Variants in LRMDA observed in about 807,000 individuals in gnomAD.
The protein encoded by LRMDA is leucine-rich melanocyte differentiation-associated protein.
Under a neutral mutation model 29.8 loss-of-function variants are expected in LRMDA, and 18 were observed. That is an observed-to-expected ratio of 0.60 (90% CI 0.42 to 0.90). LRMDA has a LOEUF of 0.90. Among genes scored for constraint, LRMDA ranks in the 40% least tolerant of loss-of-function variants. LRMDA has a pLI of 0.00. For synonymous variants in LRMDA, 125 were observed against 109.4 expected, an observed-to-expected ratio of 1.14 and a Z score of -0.89; for missense variants, 273 against 273.9, an observed-to-expected ratio of 1.00 and a Z score of 0.02.
intron 5 of LRMDA, among the ~76,000 whole-genome samples, chr10:76,123,961 G>C (rs1221547235): frequency 1.3e-5 from 2 of 152,192 alleles, no homozygotes; most frequent in Non-Finnish European, 2.9e-5. Flanking sequence ...AGAGGCAACA[G>C]TGCTTTAGCT....
chr10:76,472,563 G>A (rs889600055), intron 6 of LRMDA, among the ~76,000 whole-genome samples: 3 of 151,448 alleles, frequency 2.0e-5, no homozygotes, highest in African/African-American at 7.3e-5. Flanking sequence ...AGAAGTTAAT[G>A]AAATAAAGAA....
chr10:75,567,985 G>A (rs1840393738), intron 2 of LRMDA, among the ~76,000 whole-genome samples: 2 of 152,200 alleles, frequency 1.3e-5, no homozygotes, highest in Non-Finnish European at 2.9e-5. Flanking sequence ...AATGACACAA[G>A]CACATTATCT....
chr10:75,564,636 G>C (rs544986663), intron 2 of LRMDA, among the ~76,000 whole-genome samples: 1 of 152,362 alleles, frequency 6.6e-6, no homozygotes, highest in East Asian at 1.9e-4. Context: ...CGCTCACGCT[G>C]GGAGCTGTAG....
At chr10:76,313,271 A>C (rs1840651524) in intron 5 of LRMDA, among the ~76,000 whole-genome samples, 2 of 152,230 alleles carry the variant, frequency 1.3e-5, no homozygotes, top group Admixed American at 1.3e-4. Flanking sequence ...ATACATGGAA[A>C]GTGTTTAACG....
chr10:76,011,469 A>G (rs1847779593), intron 2 of LRMDA, among the ~76,000 whole-genome samples: 2 of 152,134 alleles, frequency 1.3e-5, no homozygotes, highest in Non-Finnish European at 2.9e-5. Context: ...GCTGTGAGCC[A>G]GTGTGTGACC....
chr10:75,633,208 T>A (rs1428908464), intron 2 of LRMDA, among the ~76,000 whole-genome samples: 1 of 152,192 alleles, frequency 6.6e-6, no homozygotes, highest in Non-Finnish European at 1.5e-5. Flanking sequence ...TTCTCTCTAG[T>A]GGCCACAAAC....
chr10:76,057,795 T>G (rs1186579579), intron 4 of LRMDA, among the ~76,000 whole-genome samples: 1 of 152,210 alleles, frequency 6.6e-6, no homozygotes, highest in Non-Finnish European at 1.5e-5. Flanking sequence ...ACTATGGAAC[T>G]TGATGGAAAG....
chr10:75,558,847 C>A (rs2132060221), intron 2 of LRMDA, among the ~76,000 whole-genome samples: 1 of 143,698 alleles, frequency 7.0e-6, no homozygotes, highest in East Asian at 2.1e-4. Context: ...CATGTCCCTA[C>A]AAAGGACATG....
intron 2 of LRMDA, among the ~76,000 whole-genome samples, chr10:75,952,474 A>C (rs1846593107): frequency 6.6e-6 from 1 of 152,174 alleles, no homozygotes; most frequent in Admixed American, 6.5e-5. Flanking sequence ...GGGTTTCTTC[A>C]GATACGTTTG....
At chr10:75,657,739 T>C (rs1420875447) in intron 2 of LRMDA, among the ~76,000 whole-genome samples, 2 of 152,048 alleles carry the variant, frequency 1.3e-5, no homozygotes, top group Non-Finnish European at 2.9e-5. Flanking sequence ...GTGAGAGAGT[T>C]GGGGGGCAAA....
chr10:76,153,163 T>C (rs1850477590), intron 5 of LRMDA, among the ~76,000 whole-genome samples: 1 of 152,064 alleles, frequency 6.6e-6, no homozygotes, highest in South Asian at 2.1e-4. Flanking sequence ...TTAAATTGAG[T>C]TATTTGTCTT....
intron 2 of LRMDA, among the ~76,000 whole-genome samples, chr10:75,479,375 C>G (rs1844832361): frequency 6.6e-6 from 1 of 152,004 alleles, no homozygotes; most frequent in South Asian, 2.1e-4. Context: ...GGCGTGGTCA[C>G]AGGCGCCTGT....
In LRMDA at chr10:76,264,406, C is replaced by CAAAAAAAA. The variant is rs59846541; in HGVS notation, c.517-59951_517-59944dup. On this transcript the variant is annotated intron_variant, in intron 5 of 6. Transcript: ENST00000611255. ...TGGGTAACAGAGCAAGACTCTGTCTCAAAAAAAAAAAAAAAAAAAAAAAAA... is the reference window on the plus strand; with the variant it reads ...TGGGTAACAGAGCAAGACTCTGTCTCAAAAAAAAAAAAAAAAAAAAAAAAAAAAAAAAA... Among the ~76,000 whole-genome samples the CAAAAAAAA allele has an allele frequency of 3.5e-4, 12 of 34,294 alleles. 2 individuals are homozygous for CAAAAAAAA. Among genetic ancestry groups the CAAAAAAAA allele is most frequent in the Non-Finnish European group, 5.7e-4 (11 of 19,226 alleles). The allele number at this position is 34,294 out of a possible 152,430, so 22.5% of individuals were successfully genotyped here. A position where few individuals can be genotyped will look rare whatever the true frequency, so the allele number is the denominator to read the frequency against.
At chr10:76,093,367 A>T (rs1220503951) in intron 5 of LRMDA, among the ~76,000 whole-genome samples, 2 of 150,684 alleles carry the variant, frequency 1.3e-5, no homozygotes, top group African/African-American at 2.4e-5. Context: ...AAAAGAAAGG[A>T]TCTTCCCCTC....
At chr10:76,335,547 G>A (rs7071135) in intron 6 of LRMDA, among the ~76,000 whole-genome samples, 89,817 of 152,036 alleles carry the variant, frequency 0.59, 30,412 homozygotes, top group Non-Finnish European at 0.79. Flanking sequence ...CTAATGACAT[G>A]TGCCCAAGGT....
chr10:75,588,981 A>G (rs1022073350), intron 2 of LRMDA, among the ~76,000 whole-genome samples: 1 of 152,168 alleles, frequency 6.6e-6, no homozygotes, highest in African/African-American at 2.4e-5. Flanking sequence ...CATTTTATGG[A>G]TTTATCCTAA....
intron 5 of LRMDA, among the ~76,000 whole-genome samples, chr10:76,080,986 G>A (rs1351571327): frequency 3.3e-5 from 5 of 152,232 alleles, no homozygotes; most frequent in Non-Finnish European, 7.3e-5. Flanking sequence ...GGGAAGCACG[G>A]CTGTAACAGA....
At chr10:75,830,650 G>A (rs1844325049) in intron 2 of LRMDA, among the ~76,000 whole-genome samples, 1 of 152,176 alleles carries the variant, frequency 6.6e-6, no homozygotes, top group South Asian at 2.1e-4. Context: ...CCATGATTCA[G>A]TCATCTTCCA....
At chr10:76,019,362 G>A (rs1433575239) in intron 2 of LRMDA, among the ~76,000 whole-genome samples, 1 of 152,152 alleles carries the variant, frequency 6.6e-6, no homozygotes, top group Admixed American at 6.5e-5. Flanking sequence ...TGACCAGGAG[G>A]CAGCTGTGAT....
Sources: gnomAD v4.1 joint callset for allele counts (sites outside exome capture counted in the v4.1 genomes callset) on GRCh38, gnomAD v4.1.1 for gene constraint, MANE v1.5 for transcripts, NCBI Gene and HGNC (gene_info 2026-07-23, HGNC 2026-07-21) for gene names.